The following ANXA8 variants were observed in gnomAD, a reference collection of about 807,000 sequenced individuals.
ANXA8 encodes annexin A8, also known as VAC-beta.
In ANXA8, 9 loss-of-function variants were observed where a neutral mutation model predicts 26.8. The observed-to-expected ratio is 0.34, with a 90% CI of 0.20 to 0.59. ANXA8 has a LOEUF of 0.59. ANXA8 is among the 20% of genes least tolerant of loss of function. The probability of loss-of-function intolerance (pLI) is 0.84; values close to 1 mark genes in which losing one functional copy is unlikely to be tolerated. For missense variants in ANXA8, 83 were observed against 238.5 expected (o/e 0.35, Z 4.29); for synonymous variants, 39 against 94.8 (o/e 0.41, Z 3.42).
chr10:47,500,005 G>A, the ANXA8 span, among the ~76,000 whole-genome samples: 2 of 151,240 alleles, frequency 1.3e-5, no homozygotes, highest in Non-Finnish European at 2.9e-5. Flanking sequence ...TCCTACACTC[G>A]AGCAGTCCTC....
the ANXA8 span, among the ~76,000 whole-genome samples, chr10:47,734,219 G>A: frequency 7.2e-6 from 1 of 139,180 alleles, no homozygotes; most frequent in Non-Finnish European, 1.5e-5. Context: ...CATGGAAGCT[G>A]GGAGTTATTT....
At chr10:47,694,614 T>G in the ANXA8 span, among the ~76,000 whole-genome samples, 2 of 151,346 alleles carry the variant, frequency 1.3e-5, no homozygotes, top group African/African-American at 4.9e-5. Flanking sequence ...AGAGGCAGGG[T>G]TTCACCATAT....
intron 1 of ANXA8, among the ~76,000 whole-genome samples, chr10:47,481,681 C>CTGGTTCTGAT: frequency 6.6e-6 from 1 of 150,470 alleles, no homozygotes. Context: ...AGCTCCCTGG[C>CTGGTTCTGAT]TGGTTCTGAT....
chr10:47,485,651 A>C (rs1840025263), upstream of ANXA8, among the ~76,000 whole-genome samples: 1 of 152,000 alleles, frequency 6.6e-6, no homozygotes, highest in African/African-American at 2.4e-5. Flanking sequence ...CAATATTTTT[A>C]CAAATTACTT....
chr10:47,521,977 G>A, the ANXA8 span, among the ~76,000 whole-genome samples: 1 of 150,814 alleles, frequency 6.6e-6, no homozygotes. Flanking sequence ...AGTAGAGACA[G>A]CGTTTCACCA....
the ANXA8 span, among the ~76,000 whole-genome samples, chr10:47,617,153 A>C: frequency 3.2e-5 from 2 of 61,546 alleles, 1 homozygote; most frequent in Admixed American, 3.2e-4. Flanking sequence ...AAATATGTAT[A>C]AGGATTCAGC....
the ANXA8 span, among the ~76,000 whole-genome samples, chr10:47,733,241 T>TTCTG: frequency 3.0e-5 from 2 of 66,358 alleles, no homozygotes; most frequent in African/African-American, 1.4e-4. Flanking sequence ...CTCTCTTTCT[T>TTCTG]TCTTTCTTTC....
chr10:47,914,939 C>T, the ANXA8 span, among the ~76,000 whole-genome samples: 1,390 of 151,862 alleles, frequency 9.2e-3, 1 homozygote, highest in African/African-American at 0.032. Context: ...CTTGACCTAT[C>T]TCCTTTGTGC....
At chr10:47,762,193 G>C in the ANXA8 span, among the ~76,000 whole-genome samples, 1 of 151,682 alleles carries the variant, frequency 6.6e-6, no homozygotes, top group African/African-American at 2.4e-5. Flanking sequence ...ACGCGCTTAG[G>C]GGAGTTGGTG....
chr10:47,530,441 A>G, the ANXA8 span, among the ~76,000 whole-genome samples: 3 of 148,752 alleles, frequency 2.0e-5, no homozygotes, highest in East Asian at 6.2e-4. Flanking sequence ...TAATCCCAGC[A>G]CTTTGGGAGG....
the ANXA8 span, chr10:47,986,739 G>GCGCCCGCCCCCA: frequency 6.0e-6 from 2 of 335,790 alleles, no homozygotes; most frequent in African/African-American, 4.9e-5. Flanking sequence ...GCAAGGCCCC[G>GCGCCCGCCCCCA]CGCGCCCGCC....
chr10:47,699,112 C>T, the ANXA8 span, among the ~76,000 whole-genome samples: 2 of 151,566 alleles, frequency 1.3e-5, no homozygotes, highest in African/African-American at 4.9e-5. Context: ...TTTGAGAGGC[C>T]AAGGTGGGCG....
chr10:47,967,613 G>GA, the ANXA8 span, among the ~76,000 whole-genome samples: 245 of 86,494 alleles, frequency 2.8e-3, no homozygotes, highest in African/African-American at 9.8e-3. Context: ...CAGTCACAGG[G>GA]CCAGGCATAT....
the ANXA8 span, among the ~76,000 whole-genome samples, chr10:47,955,801 T>G: frequency 6.9e-6 from 1 of 144,366 alleles, no homozygotes; most frequent in Non-Finnish European, 1.5e-5. Context: ...TTAAATTTTT[T>G]TCTTCCTTCA....
chr10:47,514,318 C>A, the ANXA8 span, among the ~76,000 whole-genome samples: 6 of 150,238 alleles, frequency 4.0e-5, no homozygotes, highest in African/African-American at 1.5e-4. Flanking sequence ...GCATTCCCAG[C>A]AACCTGGATG....
At chr10:47,616,204 T>C in the ANXA8 span, among the ~76,000 whole-genome samples, 2 of 71,664 alleles carry the variant, frequency 2.8e-5, no homozygotes. Flanking sequence ...ACAAGAATTG[T>C]AGCAGGAAGA....
chr10:47,982,204 C>A, the ANXA8 span, among the ~76,000 whole-genome samples: 4 of 149,904 alleles, frequency 2.7e-5, no homozygotes, highest in Non-Finnish European at 6.0e-5. Context: ...GTGGGAGGAT[C>A]ACTTGAGCCC....
the ANXA8 span, among the ~76,000 whole-genome samples, chr10:47,548,379 G>A: frequency 4.8e-5 from 7 of 146,938 alleles, no homozygotes; most frequent in Admixed American, 2.1e-4. Flanking sequence ...TCGCCTCACC[G>A]CAACCTCCAT....
At chr10:47,624,540 T>G in the ANXA8 span, among the ~76,000 whole-genome samples, 224 of 90,864 alleles carry the variant, frequency 2.5e-3, 1 homozygote, top group African/African-American at 7.9e-3. Flanking sequence ...TTTTCTGCTG[T>G]GTCTCTAGAT....
Sources: gnomAD v4.1 joint callset for allele counts (sites outside exome capture counted in the v4.1 genomes callset) on GRCh38, gnomAD v4.1.1 for gene constraint, MANE v1.5 for transcripts, NCBI Gene and HGNC (gene_info 2026-07-23, HGNC 2026-07-21) for gene names.